Variants in MTUS2 observed in about 807,000 individuals in gnomAD.
MTUS2 encodes microtubule associated scaffold protein 2, also known as microtubule-associated tumor suppressor candidate 2.
MTUS2 carries 40 observed loss-of-function variants against 114.1 expected under a neutral mutation model. The ratio of observed to expected loss-of-function variants is 0.35; its 90% CI spans 0.27 to 0.46. The LOEUF is 0.46. MTUS2 is among the 20% of genes least tolerant of loss of function. MTUS2 has a pLI of 1.00. For synonymous variants in MTUS2, 688 were observed against 672.0 expected (o/e 1.02, Z -0.37); for missense variants, 1,679 against 1,705.4 (o/e 0.98, Z 0.27).
At chr13:29,340,337 C>T (rs1901329397) in intron 7 of MTUS2, among the ~76,000 whole-genome samples, 1 of 152,218 alleles carries the variant, frequency 6.6e-6, no homozygotes, top group Non-Finnish European at 1.5e-5. Flanking sequence ...CTGAAAACTG[C>T]AGATGCCTGT....
chr13:28,882,009 T>G (rs982149672), intron 2 of MTUS2, among the ~76,000 whole-genome samples: 5 of 152,336 alleles, frequency 3.3e-5, no homozygotes, highest in Admixed American at 2.0e-4. Context: ...GATATCCATG[T>G]GCAGAACATT....
At chr13:28,920,148 G>A (rs534539812) in intron 2 of MTUS2, among the ~76,000 whole-genome samples, 2 of 152,188 alleles carry the variant, frequency 1.3e-5, no homozygotes. Flanking sequence ...CAGTAACATT[G>A]ATGAGTTAGG....
At chr13:29,282,024 T>C (rs1898293415) in intron 6 of MTUS2, among the ~76,000 whole-genome samples, 159 bp downstream of exon 6, 1 of 152,248 alleles carries the variant, frequency 6.6e-6, no homozygotes, top group Non-Finnish European at 1.5e-5. Context: ...GGCACTTTCA[T>C]ATATTCATGT....
chr13:29,497,121 G>A, intron 12 of MTUS2, 117 bp from the exon 13 acceptor site: 1 of 859,278 alleles, frequency 1.2e-6, no homozygotes, highest in Admixed American at 2.1e-5. Context: ...CAGCCCCAAG[G>A]GAAACACTCT....
chr13:29,168,888 CTGTGTGTG>C lies in MTUS2; in HGVS notation c.2644+67941_2644+67948del, dbSNP rs57636866. Among the ~76,000 whole-genome samples the C allele has an allele frequency of 1.2e-4, 17 of 138,484 alleles. No individual in the cohort carries two copies. In the East Asian group the frequency reaches 2.5e-3, roughly 20 times the overall value. The allele number at this position is 138,484 out of a possible 152,430, so 90.9% of individuals were successfully genotyped here. A position where few individuals can be genotyped will look rare whatever the true frequency, so the allele number is the denominator to read the frequency against. The stretch of plus-strand genomic sequence containing the variant: ...ATTTGTCTCCTTTCACTTTATGAAT[CTGTGTGTG>C]TGTGTGTGTGTGTGTGTGTGTGAAG... On this transcript the variant is annotated intron_variant, in intron 5 of 15. Coordinates refer to ENST00000612955, the MANE Select transcript of MTUS2 (RefSeq NM_001033602.4).
chr13:29,442,841 A>G (rs1034502195), intron 9 of MTUS2, among the ~76,000 whole-genome samples: 3 of 152,214 alleles, frequency 2.0e-5, no homozygotes, highest in Admixed American at 6.5e-5. Context: ...AAAGATGCTT[A>G]TGAGTTATAG....
intron 5 of MTUS2, among the ~76,000 whole-genome samples, chr13:29,192,327 A>G (rs1176196690): frequency 6.6e-6 from 1 of 152,210 alleles, no homozygotes; most frequent in Non-Finnish European, 1.5e-5. Context: ...TCTCAATCAT[A>G]TGTGGAAACT....
At chr13:29,433,979 A>C (rs987917584) in intron 8 of MTUS2, among the ~76,000 whole-genome samples, 1 of 152,172 alleles carries the variant, frequency 6.6e-6, no homozygotes, top group Non-Finnish European at 1.5e-5. Flanking sequence ...TCGATGGTTT[A>C]GCTTGGGAAA....
At chr13:29,361,458 TG>T (rs1248978257) in intron 8 of MTUS2, among the ~76,000 whole-genome samples, 10 of 152,248 alleles carry the variant, frequency 6.6e-5, no homozygotes, top group African/African-American at 1.9e-4. Context: ...GAAGATAAAA[TG>T]TTTTTTTTTT....
Position 29,325,733 on chromosome 13 carries a change from GC to G in MTUS2, c.2905+1025del, listed in dbSNP as rs1357124271. ...GAGCTCTAACTGCATGCCAGGTACT[GC>G]CCTGTGCTCTTTCAATATCTTAATT... is the stretch of plus-strand genomic sequence containing the variant. On this transcript the variant is annotated intron_variant, in intron 7 of 15. Transcript: ENST00000612955. Among the ~76,000 whole-genome samples, 15 of 152,206 alleles carry G rather than the reference GC, an allele frequency of 9.9e-5. No homozygotes were observed. In the East Asian group the frequency reaches 2.9e-3, roughly 29 times the overall value.
At chr13:28,999,248 G>A (rs923481874) in intron 2 of MTUS2, among the ~76,000 whole-genome samples, 3 of 152,148 alleles carry the variant, frequency 2.0e-5, no homozygotes, top group African/African-American at 7.2e-5. Context: ...CGTTCCTCTG[G>A]AAGTTTTGTC....
Position 28,859,209 on chromosome 13 carries a change from A to G in MTUS2, c.-243+19359A>G, listed in dbSNP as rs1876820904. Among the ~76,000 whole-genome samples the G allele has an allele frequency of 3.9e-5, 6 of 152,180 alleles. No individual in the cohort carries two copies. The South Asian group carries it at 1.2e-3, about 32-fold the overall frequency. ...TGGGGCTAGAACCAGGTTGGACTTG[A>G]CCCTGTGTTGCCCTGTTCAGTGGTC... On this transcript the variant is annotated intron_variant, in intron 2 of 15. Transcript: ENST00000612955.
chr13:29,407,198 G>T (rs71427270), intron 8 of MTUS2, among the ~76,000 whole-genome samples: 3 of 152,040 alleles, frequency 2.0e-5, no homozygotes, highest in Non-Finnish European at 4.4e-5. Flanking sequence ...GTGAGCTGAG[G>T]TCGTGCCATG....
chr13:29,142,420 G>T (rs1287116706), intron 5 of MTUS2, among the ~76,000 whole-genome samples: 1 of 152,138 alleles, frequency 6.6e-6, no homozygotes, highest in Non-Finnish European at 1.5e-5. Context: ...AGAAGTTCAT[G>T]AGACTGGGCG....
intron 2 of MTUS2, among the ~76,000 whole-genome samples, chr13:28,931,018 C>T (rs951441917): frequency 1.3e-5 from 2 of 152,212 alleles, no homozygotes; most frequent in Non-Finnish European, 2.9e-5. Flanking sequence ...TTTTAACTAA[C>T]CATTCCATGA....
intron 4 of MTUS2, among the ~76,000 whole-genome samples, chr13:29,064,290 A>G (rs753530701): frequency 1.9e-4 from 29 of 151,622 alleles, no homozygotes; most frequent in Non-Finnish European, 3.7e-4. Context: ...TTTTATGGAT[A>G]GATACAGAGT....
chr13:29,250,061 A>G (rs1897069396), intron 5 of MTUS2, among the ~76,000 whole-genome samples: 2 of 152,210 alleles, frequency 1.3e-5, no homozygotes, highest in South Asian at 2.1e-4. Flanking sequence ...AGCAAAAGAT[A>G]CCCTGTAATT....
At position 28,853,537 on chromosome 13, in the gene MTUS2, G is replaced by A. The variant is rs116399783; in HGVS notation, c.-243+13687G>A. ...ACCGAGGTGTCTTGAGGCAGCTGGT[G>A]GAAGTTCCATTGTGTGGAGTGGAAA... On this transcript the variant is annotated intron_variant, in intron 2 of 15. Coordinates refer to ENST00000612955, the MANE Select transcript of MTUS2 (RefSeq NM_001033602.4). Among the ~76,000 whole-genome samples the A allele has an allele frequency of 4.4e-3, 666 of 152,274 alleles. 3 individuals carry two copies. Among genetic ancestry groups the A allele is most frequent in the African/African-American group, 0.015 (635 of 41,550 alleles).
intron 8 of MTUS2, among the ~76,000 whole-genome samples, chr13:29,434,303 G>T (rs1410239236): frequency 6.6e-6 from 1 of 152,038 alleles, no homozygotes; most frequent in Non-Finnish European, 1.5e-5. Context: ...GCTGAGAGAG[G>T]TTCCCAAAAA....
Sources: allele counts gnomAD v4.1 joint callset (sites outside exome capture counted in the v4.1 genomes callset), GRCh38; gene constraint gnomAD v4.1.1; transcripts MANE v1.5; gene names NCBI Gene and HGNC (gene_info 2026-07-23, HGNC 2026-07-21).